Variants in TSHZ1 observed in about 807,000 individuals in gnomAD.
The protein encoded by TSHZ1 is teashirt homolog 1.
TSHZ1 carries 12 observed loss-of-function variants against 67.1 expected under a neutral mutation model. That is an observed-to-expected ratio of 0.18 (90% confidence interval 0.11 to 0.29). The LOEUF (loss-of-function observed/expected upper bound fraction) is 0.29. Among genes scored for constraint, TSHZ1 ranks in the 10% least tolerant of loss-of-function variants. The probability of loss-of-function intolerance (pLI) is 1.00; values close to 1 mark genes in which losing one functional copy is unlikely to be tolerated. For synonymous variants in TSHZ1, 632 were observed against 622.4 expected (o/e 1.02, Z -0.23); for missense variants, 1,305 against 1,413.9 (o/e 0.92, Z 1.23).
intron 1 of TSHZ1, among the ~76,000 whole-genome samples, chr18:75,227,957 A>G (rs772775660): frequency 2.0e-5 from 3 of 152,246 alleles, no homozygotes; most frequent in Non-Finnish European, 4.4e-5. Flanking sequence ...ATCCCCATCA[A>G]CATTATTGAA....
chr18:75,216,313 T>C (rs2122511899), intron 1 of TSHZ1, among the ~76,000 whole-genome samples: 1 of 152,346 alleles, frequency 6.6e-6, no homozygotes, highest in Non-Finnish European at 1.5e-5. Context: ...AGTTGTGTAG[T>C]ATACTTCAAA....
At chr18:75,215,393 T>C (rs970494962) in intron 1 of TSHZ1, among the ~76,000 whole-genome samples, 1 of 152,194 alleles carries the variant, frequency 6.6e-6, no homozygotes, top group Non-Finnish European at 1.5e-5. Context: ...AGTGTGCCTC[T>C]CTCAAGATGG....
intron 1 of TSHZ1, among the ~76,000 whole-genome samples, chr18:75,255,395 A>G (rs767151541): frequency 1.8e-4 from 27 of 152,214 alleles, no homozygotes; most frequent in Non-Finnish European, 3.7e-4. Context: ...ATTTATCTCA[A>G]TAGGAAACAA....
chr18:75,220,799 A>G (rs2022836157), intron 1 of TSHZ1, among the ~76,000 whole-genome samples: 1 of 152,078 alleles, frequency 6.6e-6, no homozygotes, highest in South Asian at 2.1e-4. Context: ...GATGATAGAC[A>G]TTTTTTTCTT....
Position 75,285,722 on chromosome 18 carries a change from C to T in TSHZ1, c.315C>T (p.Ser105=), listed in dbSNP as rs3826609. Residue 105 remains serine, a synonymous_variant, in exon 2 of 2, where the codon AGC becomes AGT. Transcript: ENST00000580243. ...AGGAGGATCCGCAGTGTCCCGACAG[C>T]GTCTCGTACCCCCAGGACAGCCTGG... ...EEKEDPQCPD[S]VSYPQDSLAQ... The T allele has an allele frequency of 0.29, 463,422 of 1,613,672 alleles. 69,953 individuals carry two copies. Among genetic ancestry groups the T allele is most frequent in the Non-Finnish European group, 0.31 (369,173 of 1,179,758 alleles).
At chr18:75,217,340 C>G (rs562431538) in intron 1 of TSHZ1, among the ~76,000 whole-genome samples, 3 of 152,176 alleles carry the variant, frequency 2.0e-5, no homozygotes, top group Admixed American at 6.5e-5. Flanking sequence ...GATTCTGAAT[C>G]GAATAATAGA....
chr18:75,265,292 A>G, intron 1 of TSHZ1, among the ~76,000 whole-genome samples: 1 of 152,208 alleles, frequency 6.6e-6, no homozygotes, highest in East Asian at 1.9e-4. Flanking sequence ...GTAAGTAGAA[A>G]CACTTTAAGA....
At position 75,281,053 on chromosome 18, in the gene TSHZ1, C is replaced by T. The variant is rs567433648; in HGVS notation, c.41-4395C>T. 1.9e-3 allele frequency among the ~76,000 whole-genome samples: 290 copies of T among 152,266 alleles called. 1 individual carries two copies. Among genetic ancestry groups the T allele is most frequent in the Non-Finnish European group, 3.7e-3 (250 of 68,018 alleles). On this transcript the variant is annotated intron_variant, in intron 1 of 1. Coordinates refer to ENST00000580243, the MANE Select transcript of TSHZ1 (RefSeq NM_001308210.2). The surrounding 1 kb of genome is among the most constrained non-coding windows in gnomAD (Gnocchi z 5.3). ...AGAGGGCTGGGCACAGGCGGGGCAGCGGTGAGGGTCCAGACGCCCTGCCTG... is the reference window on the plus strand; with the variant it reads ...AGAGGGCTGGGCACAGGCGGGGCAGTGGTGAGGGTCCAGACGCCCTGCCTG...
chr18:75,287,835 A>C lies in TSHZ1; in HGVS notation c.2428A>C (p.Ile810Leu). Residue 810 changes from isoleucine (I) to leucine (L), a missense_variant, in exon 2 of 2, where the codon ATT (isoleucine) becomes CTT (leucine). Physicochemically the swap from Ile to Leu is conservative, Grantham distance 5. Transcript: ENST00000580243. The surrounding 1 kb of genome is among the most constrained non-coding windows in gnomAD (Gnocchi z 5.0). ...CTATTATGAAAACAGCGACCAGCCC[A>C]TTGACTTAACCAAGTCCAAGAACAA... ...RYYYENSDQP[I>L]DLTKSKNKPL... is the part of the protein sequence containing the mutation. 6.2e-7 allele frequency: 1 copy of C among 1,614,138 alleles called. No homozygotes were observed. Among genetic ancestry groups the C allele is most frequent in the Non-Finnish European group, 8.5e-7 (1 of 1,180,044 alleles).
At chr18:75,241,788 G>T (rs1215616993) in intron 1 of TSHZ1, among the ~76,000 whole-genome samples, 1 of 151,784 alleles carries the variant, frequency 6.6e-6, no homozygotes. Context: ...GAAGGCTCCA[G>T]AGGAGAATCC....
At position 75,289,897 on chromosome 18, in the gene TSHZ1, C is replaced by T. The variant is rs1354481531; in HGVS notation, c.*1256C>T. ...ACATTTTGGTTCACACAATTAAATC[C>T]ACTGTTTTCTCAGATGTAAAATAAA... is the stretch of plus-strand genomic sequence containing the variant. On this transcript the variant is annotated 3_prime_UTR_variant, in exon 2 of 2. Coordinates refer to ENST00000580243, the MANE Select transcript of TSHZ1 (RefSeq NM_001308210.2). 1 of 166,972 alleles carries T rather than the reference C, an allele frequency of 6.0e-6. No homozygotes were observed. Among genetic ancestry groups the T allele is most frequent in the Admixed American group, 6.5e-5 (1 of 15,272 alleles). The allele number at this position is 166,972 out of a possible 1,614,324, so 10.3% of individuals were successfully genotyped here.
chr18:75,286,759 A>C lies in TSHZ1; in HGVS notation c.1352A>C (p.Lys451Thr), dbSNP rs1465992697. Residue 451 changes from lysine to threonine, a missense_variant, in exon 2 of 2, where the codon AAG becomes ACG. Physicochemically the swap from Lys to Thr is moderately conservative, Grantham distance 78 (BLOSUM62 -1). This residue lies in a region of TSHZ1 where 909 missense variants were observed against 961.8 expected (regional missense o/e 0.95). Coordinates refer to ENST00000580243, the MANE Select transcript of TSHZ1 (RefSeq NM_001308210.2). The surrounding 1 kb of genome is among the most constrained non-coding windows in gnomAD (Gnocchi z 5.1). The part of the protein sequence containing the change: ...FLKVTTSASK[K>T]GKQLVLDPVV... The stretch of plus-strand genomic sequence containing the variant: ...AAAGTGACCACCTCGGCTTCTAAGA[A>C]GGGCAAGCAGTTGGTGCTGGACCCT... The C allele has an allele frequency of 1.2e-6, 2 of 1,613,634 alleles. No homozygotes were observed. The highest frequency in any genetic ancestry group is 8.5e-7 in the Non-Finnish European group (1 of 1,180,032).
At chr18:75,279,759 A>T (rs543993455) in intron 1 of TSHZ1, among the ~76,000 whole-genome samples, 1 of 152,290 alleles carries the variant, frequency 6.6e-6, no homozygotes, top group South Asian at 2.1e-4. Context: ...ACAATTAATA[A>T]AGCCTTTCAC....
chr18:75,218,492 C>A (rs2022801922), intron 1 of TSHZ1, among the ~76,000 whole-genome samples: 1 of 152,216 alleles, frequency 6.6e-6, no homozygotes, highest in Non-Finnish European at 1.5e-5. Context: ...CTATGCCCAG[C>A]TAAGGGTGGA....
At chr18:75,220,252 A>G (rs959655976) in intron 1 of TSHZ1, among the ~76,000 whole-genome samples, 3 of 152,106 alleles carry the variant, frequency 2.0e-5, no homozygotes, top group African/African-American at 2.4e-5. Context: ...GTGTGTGCCT[A>G]TTTTCTTGGG....
chr18:75,246,576 A>G (rs750779941), intron 1 of TSHZ1, among the ~76,000 whole-genome samples: 4 of 152,102 alleles, frequency 2.6e-5, no homozygotes, highest in Non-Finnish European at 4.4e-5. Flanking sequence ...CTCTGAGAGT[A>G]GATTTAATTT....
At chr18:75,216,905 C>T (rs970167832) in intron 1 of TSHZ1, among the ~76,000 whole-genome samples, 16 of 152,176 alleles carry the variant, frequency 1.1e-4, no homozygotes, top group Non-Finnish European at 2.4e-4. Context: ...CTGTTTCTGC[C>T]TGTGCATTTT....
At chr18:75,219,546 G>C (rs552873398) in intron 1 of TSHZ1, among the ~76,000 whole-genome samples, 1 of 152,326 alleles carries the variant, frequency 6.6e-6, no homozygotes, top group East Asian at 1.9e-4. Context: ...AAGTAGTTCA[G>C]GGTTTTTTTC....
At chr18:75,213,640 A>C (rs75831088) in intron 1 of TSHZ1, among the ~76,000 whole-genome samples, 3 of 151,592 alleles carry the variant, frequency 2.0e-5, no homozygotes, top group South Asian at 2.1e-4. Context: ...TTTTTTTTAA[A>C]TAAAAGGTTT....
Sources: gnomAD v4.1 joint callset for allele counts (sites outside exome capture counted in the v4.1 genomes callset) on GRCh38, gnomAD v4.1.1 for gene constraint, gnomAD v4.1.1 regional missense constraint, Gnocchi (gnomAD v3.1) non-coding constraint, MANE v1.5 for transcripts, NCBI Gene and HGNC (gene_info 2026-07-23, HGNC 2026-07-21) for gene names.